CNTNAP3B: variants seen among roughly 807,000 people sequenced by gnomAD.
CNTNAP3B encodes the protein contactin-associated protein-like 3B.
In CNTNAP3B, 25 loss-of-function variants were observed where a neutral mutation model predicts 108.9. The ratio of observed to expected loss-of-function variants is 0.23; its 90% CI spans 0.17 to 0.32. The LOEUF (loss-of-function observed/expected upper bound fraction) is 0.32, where lower values mean the gene tolerates loss of function less well. Among genes scored for constraint, CNTNAP3B ranks in the 10% least tolerant of loss-of-function variants. The pLI, the probability that CNTNAP3B is intolerant of heterozygous loss-of-function variation, is 1.00. For synonymous variants in CNTNAP3B, 103 were observed against 473.4 expected (o/e 0.22, Z 10.16); for missense variants, 252 against 1,210.4 (o/e 0.21, Z 11.75).
At chr9:41,934,998 C>A (rs1217577000) in intron 14 of CNTNAP3B, among the ~76,000 whole-genome samples, 4 of 152,142 alleles carry the variant, frequency 2.6e-5, no homozygotes, top group Non-Finnish European at 5.9e-5. Context: ...AGCAAAACAA[C>A]TTGTGGATTT....
At chr9:41,916,190 G>T (rs1424564524) in intron 18 of CNTNAP3B, among the ~76,000 whole-genome samples, 224 of 146,984 alleles carry the variant, frequency 1.5e-3, no homozygotes, top group African/African-American at 5.5e-3. Context: ...GTTACCATTT[G>T]GTGTTATTCC....
intron 3 of CNTNAP3B, among the ~76,000 whole-genome samples, chr9:42,037,205 T>G (rs1364864947): frequency 1.4e-5 from 2 of 147,780 alleles, no homozygotes; most frequent in Non-Finnish European, 3.0e-5. Context: ...AGAATGACTT[T>G]GATGAGTTGA....
intron 14 of CNTNAP3B, among the ~76,000 whole-genome samples, chr9:41,930,616 G>C (rs1310575303): frequency 1.3e-5 from 2 of 152,256 alleles, no homozygotes; most frequent in Admixed American, 1.3e-4. Flanking sequence ...ATTGTCCTGG[G>C]AATTGAGGAC....
In CNTNAP3B at chr9:42,076,744, A is replaced by G. The variant is rs1827499710; in HGVS notation, c.390+125T>C. 1.0e-5 allele frequency: 6 copies of G among 597,470 alleles called. 2 individuals carry two copies. 37.0% of individuals were successfully genotyped at this position (597,470 alleles called of 1,614,324 possible). On this transcript the variant is annotated intron_variant, in intron 3 of 23. Coordinates refer to ENST00000377561, the MANE Select transcript of CNTNAP3B (RefSeq NM_001201380.3). ...ATTTAATGGTATAAGATTCTCTTTC[A>G]ATGCTTTCAATGAAATAGGTATCTT...
rs1249547789 is a variant in CNTNAP3B at position 42,109,128 on chromosome 9, G to T, written c.86-4389C>A. ...CACTTATTTAATAAAAGTGTATTGA[G>T]CACCTACCATGTTCAAAGCATTATG... is the stretch of plus-strand genomic sequence containing the variant. On this transcript the variant is annotated intron_variant, in intron 1 of 23. Transcript: ENST00000377561. Among the ~76,000 whole-genome samples, 2 of 138,954 alleles carry T rather than the reference G, an allele frequency of 1.4e-5. 1 individual carries two copies. Among genetic ancestry groups the T allele is most frequent in the Non-Finnish European group, 3.1e-5 (2 of 64,892 alleles). The allele number at this position is 138,954 out of a possible 152,430, so 91.2% of individuals were successfully genotyped here. A position where few individuals can be genotyped will look rare whatever the true frequency, so the allele number is the denominator to read the frequency against.
intron 1 of CNTNAP3B, among the ~76,000 whole-genome samples, chr9:42,122,622 A>T (rs957095411): frequency 7.2e-6 from 1 of 138,174 alleles, no homozygotes; most frequent in Non-Finnish European, 1.5e-5. Context: ...CTTACAATAA[A>T]TTCATAAATA....
intron 15 of CNTNAP3B, among the ~76,000 whole-genome samples, chr9:41,926,035 C>T (rs1370524414): frequency 6.6e-6 from 1 of 152,296 alleles, no homozygotes; most frequent in African/African-American, 2.4e-5. Context: ...CTCTCTCACA[C>T]ACACATACAC....
At chr9:41,973,287 GA>G (rs1316188385) in intron 9 of CNTNAP3B, among the ~76,000 whole-genome samples, 113 of 128,202 alleles carry the variant, frequency 8.8e-4, no homozygotes, top group Middle Eastern at 3.6e-3. Flanking sequence ...AACTCTGTTA[GA>G]AAAAAAAAAA....
At chr9:42,047,248 T>G (rs1199682043) in intron 3 of CNTNAP3B, among the ~76,000 whole-genome samples, 1 of 100,710 alleles carries the variant, frequency 9.9e-6, no homozygotes, top group Non-Finnish European at 1.9e-5. Context: ...GCTGTTTTTA[T>G]AAAGGACAAT....
intron 4 of CNTNAP3B, among the ~76,000 whole-genome samples, chr9:42,012,965 C>G (rs1826157110): frequency 1.1e-5 from 1 of 94,918 alleles, no homozygotes; most frequent in African/African-American, 4.1e-5. Flanking sequence ...CACAGAGAAC[C>G]AAGAGATTGC....
At chr9:42,053,587 T>C (rs979353580) in intron 3 of CNTNAP3B, among the ~76,000 whole-genome samples, 10 of 140,010 alleles carry the variant, frequency 7.1e-5, no homozygotes, top group Admixed American at 5.7e-4. Flanking sequence ...GGAGACCAGT[T>C]GGCAAACACA....
chr9:42,110,015 G>C (rs76617784), intron 1 of CNTNAP3B, among the ~76,000 whole-genome samples: 1,849 of 138,638 alleles, frequency 0.013, 188 homozygotes, highest in Middle Eastern at 0.028. Context: ...AGCCTTCGTA[G>C]GGAGTGTGGC....
chr9:42,114,035 G>C (rs1828258646), intron 1 of CNTNAP3B, among the ~76,000 whole-genome samples: 1 of 123,548 alleles, frequency 8.1e-6, no homozygotes, highest in Non-Finnish European at 1.7e-5. Context: ...TAAGGTATGA[G>C]AAGGATATGG....
rs1564177918 is a variant in CNTNAP3B at position 42,030,803 on chromosome 9, G to GAC, written c.391-17279_391-17278insGT. ...GAGAGAGATGTGTGCGAGAGAGAGAGAGAGAGAGAGGAGAGAGAGAGAGAG... is the reference window on the plus strand; with the variant it reads ...GAGAGAGATGTGTGCGAGAGAGAGAGACAGAGAGAGAGGAGAGAGAGAGAGAG... On this transcript the variant is annotated intron_variant, in intron 3 of 23. Coordinates refer to ENST00000377561, the MANE Select transcript of CNTNAP3B (RefSeq NM_001201380.3). 4.9e-3 allele frequency among the ~76,000 whole-genome samples: 379 copies of GAC among 77,944 alleles called. 25 individuals are homozygous for GAC. The highest frequency in any genetic ancestry group is 0.012 in the South Asian group (24 of 2,074). The allele number at this position is 77,944 out of a possible 152,430, so 51.1% of individuals were successfully genotyped here.
intron 15 of CNTNAP3B, among the ~76,000 whole-genome samples, chr9:41,924,776 G>A (rs1157324643): frequency 1.3e-5 from 2 of 152,346 alleles, no homozygotes; most frequent in South Asian, 2.1e-4. Context: ...TCACAGGACT[G>A]CACATCACAT....
chr9:41,947,423 G>T (rs1186486200), intron 13 of CNTNAP3B, among the ~76,000 whole-genome samples: 1 of 152,138 alleles, frequency 6.6e-6, no homozygotes, highest in Non-Finnish European at 1.5e-5. Context: ...TAAGCTACAG[G>T]TCAAAGAATA....
intron 12 of CNTNAP3B, among the ~76,000 whole-genome samples, chr9:41,958,377 C>A (rs2645625): frequency 6.6e-6 from 1 of 152,300 alleles, no homozygotes; most frequent in Non-Finnish European, 1.5e-5. Flanking sequence ...CAAAACTGGT[C>A]TAAGGCTATC....
intron 13 of CNTNAP3B, among the ~76,000 whole-genome samples, chr9:41,938,718 G>A (rs1362610930): frequency 6.6e-6 from 1 of 152,228 alleles, no homozygotes; most frequent in Non-Finnish European, 1.5e-5. Context: ...ATTAATACCA[G>A]GGTAATTTGC....
intron 10 of CNTNAP3B, among the ~76,000 whole-genome samples, chr9:41,966,710 G>A (rs1825288217): frequency 6.6e-6 from 1 of 152,252 alleles, no homozygotes; most frequent in African/African-American, 2.4e-5. Flanking sequence ...GCTCACGCCT[G>A]TAATCCCAGA....
Sources: gnomAD v4.1 joint callset for allele counts (sites outside exome capture counted in the v4.1 genomes callset) on GRCh38, gnomAD v4.1.1 for gene constraint, MANE v1.5 for transcripts, NCBI Gene and HGNC (gene_info 2026-07-23, HGNC 2026-07-21) for gene names.